Variants in DIRAS3 observed in about 807,000 individuals in gnomAD.
DIRAS3 encodes GTP-binding protein Di-Ras3.
For missense variants in DIRAS3, 248 were observed against 300.6 expected, an observed-to-expected ratio of 0.83 and a Z score of 1.29; for synonymous variants, 133 against 131.4, an observed-to-expected ratio of 1.01 and a Z score of -0.08.
At chr1:68,047,988 TC>T (rs1645689736) in intron 1 of DIRAS3, among the ~76,000 whole-genome samples, 1 of 116,736 alleles carries the variant, frequency 8.6e-6, no homozygotes, top group African/African-American at 3.4e-5. Context: ...GGGTCTTAGT[TC>T]ATGAATCCTT....
At chr1:68,048,734 T>G (rs1425524368) in intron 1 of DIRAS3, among the ~76,000 whole-genome samples, 1 of 129,422 alleles carries the variant, frequency 7.7e-6, no homozygotes, top group Non-Finnish European at 1.6e-5. Flanking sequence ...GGTGGTGGTT[T>G]TTTTTTTTTT....
chr1:68,046,936 T>G lies in DIRAS3; in HGVS notation c.362A>C (p.Lys121Thr), dbSNP rs1237394901. The G allele has an allele frequency of 4.3e-6, 7 of 1,614,184 alleles. No homozygotes were observed. Among genetic ancestry groups the G allele is most frequent in the Non-Finnish European group, 5.1e-6 (6 of 1,180,032 alleles). Reference protein sequence around the residue: ...AFVLVYSVTKKETLEELKAFY... With the variant: ...AFVLVYSVTKTETLEELKAFY... Reference sequence around the variant, plus strand: ...GGCCTTCAGCTCTTCCAGGGTTTCCTTCTTGGTGACTGAGTAGACCAGGAC... The same window carrying G: ...GGCCTTCAGCTCTTCCAGGGTTTCCGTCTTGGTGACTGAGTAGACCAGGAC... Residue 121 changes from lysine to threonine, a missense_variant, in exon 2 of 2, where the codon AAG becomes ACG. Coordinates refer to ENST00000646789, the MANE Select transcript of DIRAS3 (RefSeq NM_004675.5).
Position 68,046,664 on chromosome 1 carries a change from T to A in DIRAS3, c.634A>T (p.Lys212Ter), listed in dbSNP as rs1345472745. ...TCAGTGGTGTTGGGCATCTGGGATTTCTTCTCGGGCTCCTGGAGGCCGGTG... is the reference window on the plus strand; with the variant it reads ...TCAGTGGTGTTGGGCATCTGGGATTACTTCTCGGGCTCCTGGAGGCCGGTG... ...PTTGLQEPEK[K>*]SQMPNTTEKL... Residue 212 changes from lysine (K) to a stop codon, truncating the protein, a stop_gained, in exon 2 of 2, where the codon AAA becomes TAA. Coordinates refer to ENST00000646789, the MANE Select transcript of DIRAS3 (RefSeq NM_004675.5). LOFTEE classifies it low-confidence loss of function (END_TRUNC). 6.2e-7 allele frequency: 1 copy of A among 1,614,038 alleles called. No individual in the cohort carries two copies. The highest frequency in any genetic ancestry group is 1.7e-5 in the Admixed American group (1 of 60,002).
intron 1 of DIRAS3, among the ~76,000 whole-genome samples, chr1:68,048,616 T>C (rs1002783210): frequency 2.0e-5 from 3 of 152,200 alleles, no homozygotes; most frequent in African/African-American, 7.2e-5. Flanking sequence ...AACTAGCCTG[T>C]CTTGCTGGCT....
At position 68,046,480 on chromosome 1, in the gene DIRAS3, A is replaced by G. The variant is rs1645673544; in HGVS notation, c.*128T>C. ...AGTTATCCACTTACAAGGTATACGTATTGACAACATGGATGTTACAGTCCA... is the reference window on the plus strand; with the variant it reads ...AGTTATCCACTTACAAGGTATACGTGTTGACAACATGGATGTTACAGTCCA... On this transcript the variant is annotated 3_prime_UTR_variant, in exon 2 of 2. Transcript: ENST00000646789. The G allele has an allele frequency of 1.2e-6, 1 of 854,366 alleles. No homozygotes were observed. Among genetic ancestry groups the G allele is most frequent in the Non-Finnish European group, 1.8e-6 (1 of 551,324 alleles). The allele number at this position is 854,366 out of a possible 1,614,324, so 52.9% of individuals were successfully genotyped here.
chr1:68,046,389 A>G lies in DIRAS3; in HGVS notation c.*219T>C. On this transcript the variant is annotated 3_prime_UTR_variant, in exon 2 of 2. Coordinates refer to ENST00000646789, the MANE Select transcript of DIRAS3 (RefSeq NM_004675.5). ...CCTTACTTTAAATACATCATGCTAC[A>G]TTTTGTTCTCCTCTTCAAATGCCAA... 1 of 505,626 alleles carries G rather than the reference A, an allele frequency of 2.0e-6. No individual in the cohort carries two copies. The highest frequency in any genetic ancestry group is 3.5e-6 in the Non-Finnish European group (1 of 286,624). 31.3% of individuals were successfully genotyped at this position (505,626 alleles called of 1,614,324 possible).
chr1:68,047,085 T>G lies in DIRAS3; in HGVS notation c.213A>C (p.Glu71Asp), dbSNP rs200789401. 2 of 1,614,146 alleles carry G rather than the reference T, an allele frequency of 1.2e-6. No individual in the cohort carries two copies. The highest frequency in any genetic ancestry group is 1.7e-6 in the Non-Finnish European group (2 of 1,180,028). ...AGCCCAGCAACTGGCAGTAGGTATT[T>G]TCAATGGTCGGCAGGTACTCATGAC... Reference protein sequence around the residue: ...NFRHEYLPTIENTYCQLLGCS... With the variant: ...NFRHEYLPTIDNTYCQLLGCS... Residue 71 changes from glutamate to aspartate, a missense_variant, in exon 2 of 2, where the codon GAA becomes GAC. Coordinates refer to ENST00000646789, the MANE Select transcript of DIRAS3 (RefSeq NM_004675.5).
In DIRAS3 at chr1:68,047,234, C is replaced by A. The variant is rs768170308; in HGVS notation, c.64G>T (p.Ala22Ser). ...TTGAAGGCGCGGAGGATAAGCAGGG[C>A]GGGCAGAAGCCGCAACCGCTTCAGC... Reference protein sequence around the residue: ...KLLKRLRLLPALLILRAFKPH... With the variant: ...KLLKRLRLLPSLLILRAFKPH... The change falls in exon 2 of 2, where the codon GCC becomes TCC. Residue 22 changes from alanine to serine, a missense_variant. Ala to Ser is a moderately conservative substitution (Grantham distance 99). Coordinates refer to ENST00000646789, the MANE Select transcript of DIRAS3 (RefSeq NM_004675.5). The A allele has an allele frequency of 5.6e-6, 9 of 1,613,414 alleles. No individual in the cohort carries two copies. The East Asian group carries it at 1.6e-4, about 28-fold the overall frequency.
rs199905458 is a variant in DIRAS3, at chr1:68,047,163, G to C, written c.135C>G (p.Thr45=). ...GCAGCGTACTTTTCCCCACACCAGC[G>C]GTGCCGACTACCACGACGCGGTAAT... The part of the protein sequence containing the change: ...IRDYRVVVVG[T]AGVGKSTLLH... The change falls in exon 2 of 2, where the codon ACC becomes ACG. Residue 45 remains threonine, a synonymous_variant. Transcript: ENST00000646789. The C allele has an allele frequency of 1.4e-5, 23 of 1,614,180 alleles. No homozygotes were observed. In the Admixed American group the frequency reaches 2.7e-4, roughly 19 times the overall value.
In DIRAS3 at chr1:68,047,143, G is replaced by A. The variant is rs1240516232; in HGVS notation, c.155C>T (p.Thr52Met). The part of the protein sequence containing the change: ...VVGTAGVGKS[T>M]LLHKWASGNF... ...GCCGCTCGCCCACTTGTGCAGCAGCGTACTTTTCCCCACACCAGCGGTGCC... is the reference window on the plus strand; with the variant it reads ...GCCGCTCGCCCACTTGTGCAGCAGCATACTTTTCCCCACACCAGCGGTGCC... The change falls in exon 2 of 2, where the codon ACG becomes ATG. Residue 52 changes from threonine to methionine, a missense_variant. By Grantham distance (81) the Thr-to-Met change is moderately conservative. Coordinates refer to ENST00000646789, the MANE Select transcript of DIRAS3 (RefSeq NM_004675.5). The A allele has an allele frequency of 1.9e-6, 3 of 1,614,138 alleles. No individual in the cohort carries two copies. The highest frequency in any genetic ancestry group is 2.5e-6 in the Non-Finnish European group (3 of 1,180,028).
intron 1 of DIRAS3, among the ~76,000 whole-genome samples, chr1:68,048,049 A>ATATATAT (rs1553173940): frequency 1.4e-4 from 1 of 7,274 alleles, no homozygotes; most frequent in Non-Finnish European, 2.5e-4. Context: ...AAAAAAAAAA[A>ATATATAT]ATATATATAT....
intron 1 of DIRAS3, among the ~76,000 whole-genome samples, chr1:68,048,049 AATATATATATATATATATATAT>A (rs57871159): frequency 4.1e-4 from 3 of 7,272 alleles, no homozygotes; most frequent in Non-Finnish European, 7.4e-4. Flanking sequence ...AAAAAAAAAA[AATATATATATATATATATATAT>A]ATATATATAT....
chr1:68,048,288 G>A (rs1215524024), intron 1 of DIRAS3, among the ~76,000 whole-genome samples: 1 of 151,780 alleles, frequency 6.6e-6, no homozygotes, highest in Non-Finnish European at 1.5e-5. Flanking sequence ...TAGTAGATTA[G>A]GTTTGTAAGA....
At chr1:68,047,745 G>A (rs1570738340) in intron 1 of DIRAS3, among the ~76,000 whole-genome samples, 1 of 151,514 alleles carries the variant, frequency 6.6e-6, no homozygotes, top group South Asian at 2.1e-4. Flanking sequence ...AACAGGTGAG[G>A]GAATTTTCCC....
chr1:68,046,455 A>G lies in DIRAS3; in HGVS notation c.*153T>C. 1.5e-6 allele frequency: 1 copy of G among 677,836 alleles called. No homozygotes were observed. The highest frequency in any genetic ancestry group is 3.2e-5 in the Admixed American group (1 of 30,978). The allele number at this position is 677,836 out of a possible 1,614,324, so 42.0% of individuals were successfully genotyped here. ...AATTCTCTGGCCTGGGAAAAAGAAAAGTTATCCACTTACAAGGTATACGTA... is the reference window on the plus strand; with the variant it reads ...AATTCTCTGGCCTGGGAAAAAGAAAGGTTATCCACTTACAAGGTATACGTA... On this transcript the variant is annotated 3_prime_UTR_variant, in exon 2 of 2. Transcript: ENST00000646789.
chr1:68,048,042 AAAAAAAAATATATATATATAT>A (rs1645693351), intron 1 of DIRAS3, among the ~76,000 whole-genome samples: 1 of 69,982 alleles, frequency 1.4e-5, no homozygotes, highest in African/African-American at 6.4e-5. Flanking sequence ...AAAAAAAAAA[AAAAAAAAATATATATATATAT>A]ATATATATAT....
At chr1:68,049,960 A>ACCCCCC (rs576801046) in intron 1 of DIRAS3, among the ~76,000 whole-genome samples, 1 of 106,066 alleles carries the variant, frequency 9.4e-6, no homozygotes, top group African/African-American at 4.0e-5. Context: ...CAGGCAGTGG[A>ACCCCCC]CCCCCCCCCC....
chr1:68,048,241 G>T (rs1003485174), intron 1 of DIRAS3, among the ~76,000 whole-genome samples: 2 of 151,416 alleles, frequency 1.3e-5, no homozygotes, highest in Admixed American at 1.3e-4. Flanking sequence ...TTCAGGATTT[G>T]AACAGTCAAT....
At position 68,046,854 on chromosome 1, in the gene DIRAS3, C is replaced by G. The variant is rs775628945; in HGVS notation, c.444G>C (p.Val148=). 9.3e-6 allele frequency: 15 copies of G among 1,614,176 alleles called. No homozygotes were observed. Among genetic ancestry groups the G allele is most frequent in the Non-Finnish European group, 1.2e-5 (14 of 1,180,050 alleles). ...KGNNLHKFPI[V]LVGNKSDDTH... The stretch of plus-strand genomic sequence containing the variant: ...TGTCATCACTTTTATTGCCCACCAG[C>G]ACGATGGGGAACTTATGCAGGTTGT... The change falls in exon 2 of 2, where the codon GTG becomes GTC. Residue 148 remains valine (V), a synonymous_variant. Transcript: ENST00000646789.
Sources: gnomAD v4.1 joint callset for allele counts (sites outside exome capture counted in the v4.1 genomes callset) on GRCh38, gnomAD v4.1.1 for gene constraint, MANE v1.5 for transcripts, NCBI Gene and HGNC (gene_info 2026-07-23, HGNC 2026-07-21) for gene names.